Variants in PCDHGA12 observed in about 807,000 individuals in gnomAD.
PCDHGA12 encodes the protein protocadherin gamma-A12.
A neutral mutation model predicts 61.1 loss-of-function variants in PCDHGA12; 43 were observed. That is an observed-to-expected ratio of 0.70 (90% CI 0.55 to 0.91). The LOEUF is 0.91. PCDHGA12 is among the 40% of genes least tolerant of loss of function. The pLI is 0.00. For missense variants in PCDHGA12, 1,236 were observed against 1,227.7 expected (o/e 1.01, Z -0.10); for synonymous variants, 520 against 542.9 (o/e 0.96, Z 0.59).
At chr5:141,468,063 A>G (rs2099157033) in intron 1 of PCDHGA12, among the ~76,000 whole-genome samples, 1 of 152,064 alleles carries the variant, frequency 6.6e-6, no homozygotes, top group South Asian at 2.1e-4. Flanking sequence ...AGTGGCTCAC[A>G]CCTGTAATCC....
chr5:141,438,526 G>A (rs188552043), intron 1 of PCDHGA12, among the ~76,000 whole-genome samples: 11 of 143,330 alleles, frequency 7.7e-5, no homozygotes, highest in Non-Finnish European at 1.5e-4. Flanking sequence ...ATTTTACATG[G>A]ACTTTTCCTC....
chr5:141,476,459 C>T lies in PCDHGA12; in HGVS notation c.2425-18348C>T. On this transcript the variant is annotated intron_variant, in intron 1 of 3. Coordinates refer to ENST00000252085, the MANE Select transcript of PCDHGA12 (RefSeq NM_003735.3). The surrounding 1 kb of genome is among the most constrained non-coding windows in gnomAD (Gnocchi z 7.6). ...AACTCTGGAGTTGGTAGTGGAGAACCCGCTGGAGCTGTTCAGCGTGGAAGT... is the reference window on the plus strand; with the variant it reads ...AACTCTGGAGTTGGTAGTGGAGAACTCGCTGGAGCTGTTCAGCGTGGAAGT... 6.2e-7 allele frequency: 1 copy of T among 1,614,048 alleles called. No individual in the cohort carries two copies. Among genetic ancestry groups the T allele is most frequent in the Non-Finnish European group, 8.5e-7 (1 of 1,180,006 alleles).
In PCDHGA12 at chr5:141,485,124, C is replaced by A; in HGVS notation, c.2425-9683C>A. ...GCTGCTGTGGCTGTTTGGGGCGGGT[C>A]GGCTTCATCCGCGTCTCAGGAGCAA... is the stretch of plus-strand genomic sequence containing the variant. On this transcript the variant is annotated intron_variant, in intron 1 of 3. Transcript: ENST00000252085. The surrounding 1 kb of genome is among the most constrained non-coding windows in gnomAD (Gnocchi z 5.7). 2 of 1,390,136 alleles carry A rather than the reference C, an allele frequency of 1.4e-6. No homozygotes were observed. The highest frequency in any genetic ancestry group is 2.5e-5 in the South Asian group (2 of 80,180). 86.1% of individuals were successfully genotyped at this position (1,390,136 alleles called of 1,614,324 possible). A position where few individuals can be genotyped will look rare whatever the true frequency, so the allele number is the denominator to read the frequency against.
chr5:141,439,800 T>C (rs1393580217), intron 1 of PCDHGA12: 1 of 152,300 alleles, frequency 6.6e-6, no homozygotes, highest in Admixed American at 6.5e-5. Context: ...CAAGAAGAGT[T>C]TGAAAAGGGG....
At position 141,508,909 on chromosome 5, in the gene PCDHGA12, G is replaced by A. The variant is rs545345992; in HGVS notation, c.2573-2038G>A. ...GAGGGGAGGGGGCGGGGCGGTGGCG[G>A]ATCTGGCTTCCTTTTGGAGTTAATT... is the stretch of plus-strand genomic sequence containing the variant. On this transcript the variant is annotated intron_variant, in intron 3 of 3. Coordinates refer to ENST00000252085, the MANE Select transcript of PCDHGA12 (RefSeq NM_003735.3). 2.0e-5 allele frequency among the ~76,000 whole-genome samples: 3 copies of A among 152,202 alleles called. No homozygotes were observed. The South Asian group carries it at 6.2e-4, about 32-fold the overall frequency.
At chr5:141,509,094 T>C (rs1038935185) in intron 3 of PCDHGA12, among the ~76,000 whole-genome samples, 4 of 152,152 alleles carry the variant, frequency 2.6e-5, no homozygotes, top group African/African-American at 9.7e-5. Context: ...AAATGGGGGC[T>C]GTAGAAACCT....
intron 3 of PCDHGA12, 149 bp downstream of exon 3, chr5:141,505,630 A>G (rs558394591): frequency 4.7e-5 from 69 of 1,480,262 alleles, no homozygotes; most frequent in Admixed American, 2.2e-5. Flanking sequence ...AATTCCAAAC[A>G]TAAAGCCTGG....
rs779191558 is a variant in PCDHGA12 at position 141,491,465 on chromosome 5, A to G, written c.2425-3342A>G. On this transcript the variant is annotated intron_variant, in intron 1 of 3. Coordinates refer to ENST00000252085, the MANE Select transcript of PCDHGA12 (RefSeq NM_003735.3). This position sits in a 1 kb window ranked among gnomAD's most constrained non-coding sequence, Gnocchi z 6.9. The stretch of plus-strand genomic sequence containing the variant: ...CAGGACTCACCCTCCCCGGACTTCT[A>G]TAAGCAGTCCAGCCCCAACCTGCAG... 1.2e-6 allele frequency: 2 copies of G among 1,613,974 alleles called. No homozygotes were observed. The highest frequency in any genetic ancestry group is 1.1e-5 in the South Asian group (1 of 91,084).
chr5:141,477,808 C>T lies in PCDHGA12; in HGVS notation c.2425-16999C>T, dbSNP rs750186099. 2.5e-6 allele frequency: 4 copies of T among 1,613,994 alleles called. No individual in the cohort carries two copies. In the African/African-American group the frequency reaches 4.0e-5, roughly 16 times the overall value. On this transcript the variant is annotated intron_variant, in intron 1 of 3. Coordinates refer to ENST00000252085, the MANE Select transcript of PCDHGA12 (RefSeq NM_003735.3). The surrounding 1 kb of genome is among the most constrained non-coding windows in gnomAD (Gnocchi z 4.9). ...TTGTCACTGATCGCAATGACAATGC[C>T]CCCCAGGTCCTATATCCTCGGCCAG...
At chr5:141,506,669 A>C (rs1293213848) in intron 3 of PCDHGA12, among the ~76,000 whole-genome samples, 1 of 152,198 alleles carries the variant, frequency 6.6e-6, no homozygotes, top group African/African-American at 2.4e-5. Flanking sequence ...GTAAGGGCAC[A>C]ATATATTATT....
chr5:141,479,710 T>C (rs901198074), intron 1 of PCDHGA12: 1 of 152,264 alleles, frequency 6.6e-6, no homozygotes, highest in African/African-American at 2.4e-5. Flanking sequence ...GTCCCTGTCC[T>C]TCCAGCCTTA....
At position 141,478,147 on chromosome 5, in the gene PCDHGA12, C is replaced by T. The variant is rs199689679; in HGVS notation, c.2425-16660C>T. On this transcript the variant is annotated intron_variant, in intron 1 of 3. Transcript: ENST00000252085. The stretch of plus-strand genomic sequence containing the variant: ...ACTCTCCTGAAGCCCGAGCCGAGTT[C>T]CCCTCTGGCTCTGCCCCCCGGGAGC... The T allele has an allele frequency of 2.0e-5, 32 of 1,614,076 alleles. 1 individual carries two copies. In the East Asian group the frequency reaches 5.3e-4, roughly 27 times the overall value.
At chr5:141,434,698 A>G (rs2097710714) in intron 1 of PCDHGA12, among the ~76,000 whole-genome samples, 1 of 152,070 alleles carries the variant, frequency 6.6e-6, no homozygotes, top group South Asian at 2.1e-4. Context: ...GTTAATAAAT[A>G]TGTGGGTAAA....
chr5:141,465,606 T>C (rs192541390), intron 1 of PCDHGA12, among the ~76,000 whole-genome samples: 22 of 152,338 alleles, frequency 1.4e-4, no homozygotes, highest in African/African-American at 5.3e-4. Context: ...TATCACTCTT[T>C]GGCCCTCCAG....
intron 1 of PCDHGA12, among the ~76,000 whole-genome samples, chr5:141,461,644 A>C (rs1266858748): frequency 1.3e-5 from 2 of 151,868 alleles, no homozygotes; most frequent in Non-Finnish European, 2.9e-5. Flanking sequence ...TTCTTCTTTG[A>C]CCCATGGATT....
chr5:141,431,023 C>G lies in PCDHGA12; in HGVS notation c.264C>G (p.Gly88=). 6.2e-7 allele frequency: 1 copy of G among 1,613,748 alleles called. No homozygotes were observed. Among genetic ancestry groups the G allele is most frequent in the Non-Finnish European group, 8.5e-7 (1 of 1,179,820 alleles). Residue 88 remains glycine, a synonymous_variant, in exon 1 of 4, where the codon GGC becomes GGG. Transcript: ENST00000252085. This position sits in a 1 kb window ranked among gnomAD's most constrained non-coding sequence, Gnocchi z 4.8. ...GCAGCGGCAGCTTGGTCACGGCGGG[C>G]AGGATAGACCGGGAGGAGCTCTGTA... The part of the protein sequence containing the change: ...NPRSGSLVTA[G]RIDREELCMG...
intron 2 of PCDHGA12, among the ~76,000 whole-genome samples, chr5:141,503,448 C>T (rs765046868): frequency 2.0e-5 from 3 of 151,808 alleles, no homozygotes; most frequent in South Asian, 2.1e-4. Context: ...TACAAAAATT[C>T]GCTGGGCATG....
At position 141,476,402 on chromosome 5, in the gene PCDHGA12, G is replaced by A. The variant is rs775511298; in HGVS notation, c.2425-18405G>A. The stretch of plus-strand genomic sequence containing the variant: ...TGTGAACGACCGTCTGGATCGAGAG[G>A]AGCTGTGTGGGACACTGCCCTCTTG... On this transcript the variant is annotated intron_variant, in intron 1 of 3. Coordinates refer to ENST00000252085, the MANE Select transcript of PCDHGA12 (RefSeq NM_003735.3). This position sits in a 1 kb window ranked among gnomAD's most constrained non-coding sequence, Gnocchi z 7.6. 9 of 1,613,992 alleles carry A rather than the reference G, an allele frequency of 5.6e-6. No individual in the cohort carries two copies. Among genetic ancestry groups the A allele is most frequent in the African/African-American group, 1.3e-5 (1 of 74,904 alleles).
At chr5:141,457,422 T>TC (rs1038085994) in intron 1 of PCDHGA12, among the ~76,000 whole-genome samples, 6 of 151,626 alleles carry the variant, frequency 4.0e-5, no homozygotes, top group African/African-American at 7.3e-5. Flanking sequence ...CATCCCTTTT[T>TC]CCCCCCCACC....
Sources: gnomAD v4.1 joint callset for allele counts (sites outside exome capture counted in the v4.1 genomes callset) on GRCh38, gnomAD v4.1.1 for gene constraint, Gnocchi (gnomAD v3.1) non-coding constraint, MANE v1.5 for transcripts, NCBI Gene and HGNC (gene_info 2026-07-23, HGNC 2026-07-21) for gene names.